METAP1: variants seen among roughly 807,000 people sequenced by gnomAD.
METAP1 encodes methionine aminopeptidase 1.
In METAP1, 28 loss-of-function variants were observed where a neutral mutation model predicts 53.8. The observed-to-expected ratio is 0.52, with a 90% CI of 0.39 to 0.71. The LOEUF (loss-of-function observed/expected upper bound fraction) is 0.71. Among genes scored for constraint, METAP1 ranks in the 30% least tolerant of loss-of-function variants. METAP1 has a pLI of 0.00. For synonymous variants in METAP1, 181 were observed against 165.7 expected, an observed-to-expected ratio of 1.09 and a Z score of -0.71; for missense variants, 389 against 479.8, an observed-to-expected ratio of 0.81 and a Z score of 1.77.
intron 1 of METAP1, among the ~76,000 whole-genome samples, chr4:99,008,874 T>C (rs1420737603): frequency 2.0e-5 from 3 of 152,224 alleles, no homozygotes; most frequent in Admixed American, 6.5e-5. Context: ...TTTTTACATA[T>C]CTTTAAAAAA....
At chr4:99,022,346 T>C in intron 1 of METAP1, 1 of 858,600 alleles carries the variant, frequency 1.2e-6, no homozygotes, top group East Asian at 2.9e-5. Context: ...CCCTCCATGC[T>C]CTCTGAGGGT....
chr4:99,023,625 TA>T (rs1328626711), intron 1 of METAP1: 1 of 985,278 alleles, frequency 1.0e-6, no homozygotes, highest in Non-Finnish European at 1.2e-6. Context: ...GAAAACCATT[TA>T]ATGTTAATTC....
intron 1 of METAP1, among the ~76,000 whole-genome samples, chr4:99,018,899 CA>C (rs1364076507): frequency 6.6e-6 from 1 of 152,124 alleles, no homozygotes; most frequent in Non-Finnish European, 1.5e-5. Context: ...GTATTTGTAT[CA>C]GGGGAATCCG....
chr4:99,055,116 TGTG>T (rs1727007188), intron 9 of METAP1, among the ~76,000 whole-genome samples: 1 of 151,356 alleles, frequency 6.6e-6, no homozygotes, highest in South Asian at 2.1e-4. Context: ...TCTGGTCAGA[TGTG>T]GTGGCTCATA....
intron 1 of METAP1, among the ~76,000 whole-genome samples, chr4:99,003,517 A>G (rs1028758000): frequency 6.6e-6 from 1 of 152,210 alleles, no homozygotes; most frequent in African/African-American, 2.4e-5. Context: ...GACTATTAGA[A>G]TACTGTTAAC....
Position 99,041,031 on chromosome 4 carries a change from C to T in METAP1, c.433-12C>T, listed in dbSNP as rs1485246507. 1.4e-5 allele frequency: 22 copies of T among 1,598,414 alleles called. No homozygotes were observed. Among genetic ancestry groups the T allele is most frequent in the Non-Finnish European group, 1.8e-5 (21 of 1,169,316 alleles). On this transcript the variant is annotated splice_polypyrimidine_tract_variant and intron_variant, in intron 5 of 10. Coordinates refer to ENST00000296411, the MANE Select transcript of METAP1 (RefSeq NM_015143.3). Reference sequence around the variant, plus strand: ...TGTCTTTTTTAATGTATTGAGTGTTCCTTTTTTACAGCTTGCTAGAGAAGT... The same window carrying T: ...TGTCTTTTTTAATGTATTGAGTGTTTCTTTTTTACAGCTTGCTAGAGAAGT...
chr4:99,022,649 A>G (rs779586821), intron 1 of METAP1: 29 of 1,066,924 alleles, frequency 2.7e-5, no homozygotes, highest in Admixed American at 1.9e-4. Context: ...CTGGCGCTCA[A>G]AGGCAAGGTG....
intron 7 of METAP1, among the ~76,000 whole-genome samples, chr4:99,044,760 T>G (rs1337131244): frequency 6.6e-6 from 1 of 151,990 alleles, no homozygotes; most frequent in Non-Finnish European, 1.5e-5. Flanking sequence ...TGTAGAGCAG[T>G]GTAAATTTTT....
intron 1 of METAP1, among the ~76,000 whole-genome samples, chr4:98,998,873 C>T (rs1312613396): frequency 2.6e-5 from 4 of 151,402 alleles, no homozygotes; most frequent in African/African-American, 9.7e-5. Flanking sequence ...TGCAATGGTG[C>T]GATCTCGACT....
rs1017933797 is a variant in METAP1, at chr4:99,012,660, T to G, written c.115-16207T>G. Among the ~76,000 whole-genome samples, 441 of 149,694 alleles carry G rather than the reference T, an allele frequency of 2.9e-3. 3 individuals are homozygous for G. The highest frequency in any genetic ancestry group is 9.9e-3 in the African/African-American group (408 of 41,086). ...TGGCTGTATCCCATAAAGTTTTTTTTTTTTTTTTTTTTTTTTTTAAAGATT... is the reference window on the plus strand; with the variant it reads ...TGGCTGTATCCCATAAAGTTTTTTTGTTTTTTTTTTTTTTTTTTAAAGATT... On this transcript the variant is annotated intron_variant, in intron 1 of 10. Coordinates refer to ENST00000296411, the MANE Select transcript of METAP1 (RefSeq NM_015143.3).
chr4:99,055,390 C>CA lies in METAP1; in HGVS notation c.932-2347dup, dbSNP rs34092755. The stretch of plus-strand genomic sequence containing the variant: ...TGGACAACAGAGCAAGAGTCCATCT[C>CA]AAAAAAAAAAAAAAAAGAGAAAAGA... On this transcript the variant is annotated intron_variant, in intron 9 of 10. Transcript: ENST00000296411. 4.5e-3 allele frequency among the ~76,000 whole-genome samples: 549 copies of CA among 122,214 alleles called. 2 individuals are homozygous for CA. Among genetic ancestry groups the CA allele is most frequent in the Middle Eastern group, 8.5e-3 (2 of 236 alleles). The allele number at this position is 122,214 out of a possible 152,430, so 80.2% of individuals were successfully genotyped here. A position where few individuals can be genotyped will look rare whatever the true frequency, so the allele number is the denominator to read the frequency against.
intron 1 of METAP1, among the ~76,000 whole-genome samples, chr4:99,020,003 C>T (rs1560703098): frequency 6.6e-6 from 1 of 152,086 alleles, no homozygotes; most frequent in Non-Finnish European, 1.5e-5. Flanking sequence ...GTAGATCCCT[C>T]ATATTCTTCT....
In METAP1 at chr4:99,048,895, T is replaced by G. The variant is rs1553946919; in HGVS notation, c.931+19T>G. 1 of 1,610,564 alleles carries G rather than the reference T, an allele frequency of 6.2e-7. No individual in the cohort carries two copies. Among genetic ancestry groups the G allele is most frequent in the Non-Finnish European group, 8.5e-7 (1 of 1,178,254 alleles). On this transcript the variant is annotated intron_variant, in intron 9 of 10. Coordinates refer to ENST00000296411, the MANE Select transcript of METAP1 (RefSeq NM_015143.3). ...TATGCTAGTAAGTACTATCCAGAGA[T>G]TTGGTATAAGCTCACCATTTATTCA...
chr4:99,060,781 AATT>A (rs1442527239), intron 10 of METAP1, among the ~76,000 whole-genome samples: 3 of 152,222 alleles, frequency 2.0e-5, no homozygotes, highest in East Asian at 1.9e-4. Context: ...TAAAATGGAC[AATT>A]ATTGTACATA....
intron 9 of METAP1, among the ~76,000 whole-genome samples, chr4:99,051,466 C>A (rs974758574): frequency 1.7e-4 from 26 of 152,088 alleles, no homozygotes; most frequent in Middle Eastern, 3.2e-3. Flanking sequence ...TCACAGCTCA[C>A]TGGAACCTTG....
intron 7 of METAP1, among the ~76,000 whole-genome samples, chr4:99,044,617 C>G (rs1726092464): frequency 6.6e-6 from 1 of 151,742 alleles, no homozygotes; most frequent in South Asian, 2.1e-4. Flanking sequence ...AATGTGCTCT[C>G]TAGATACATT....
chr4:99,060,221 A>G (rs947155267), intron 10 of METAP1, among the ~76,000 whole-genome samples: 4 of 152,094 alleles, frequency 2.6e-5, no homozygotes, highest in Non-Finnish European at 5.9e-5. Context: ...TCATCTTGTA[A>G]AACTGAAACT....
At chr4:98,995,953 G>C (rs1722596474) in intron 1 of METAP1, 86 bp downstream of exon 1, 11 of 1,068,170 alleles carry the variant, frequency 1.0e-5, no homozygotes, top group Non-Finnish European at 1.5e-5. Flanking sequence ...CCCTTGCGGC[G>C]AGTCGGGACG....
intron 7 of METAP1, 127 bp from the exon 8 acceptor site, chr4:99,045,052 G>T (rs1039821579): frequency 1.1e-6 from 1 of 880,926 alleles, no homozygotes; most frequent in Non-Finnish European, 1.7e-6. Context: ...TCTATCCATT[G>T]GTGTCTAATT....
Sources: allele counts gnomAD v4.1 joint callset (sites outside exome capture counted in the v4.1 genomes callset), GRCh38; gene constraint gnomAD v4.1.1; transcripts MANE v1.5; gene names NCBI Gene and HGNC (gene_info 2026-07-23, HGNC 2026-07-21).